Variants in MYCBP2 observed in about 807,000 individuals in gnomAD.
MYCBP2 encodes the protein E3 ubiquitin-protein ligase MYCBP2.
MYCBP2 carries 120 observed loss-of-function variants against 525.3 expected under a neutral mutation model. That is an observed-to-expected ratio of 0.23 (90% CI 0.20 to 0.27). MYCBP2 has a LOEUF of 0.27. Ranked by LOEUF, MYCBP2 falls within the 10% of genes least tolerant of loss-of-function variation. MYCBP2 has a pLI of 1.00. For missense variants in MYCBP2, 4,149 were observed against 5,657.1 expected (o/e 0.73, Z 8.55); for synonymous variants, 1,894 against 1,955.8 (o/e 0.97, Z 0.83).
At chr13:77,293,707 A>C (rs535805003) in intron 2 of MYCBP2, among the ~76,000 whole-genome samples, 2 of 152,176 alleles carry the variant, frequency 1.3e-5, no homozygotes, top group Non-Finnish European at 2.9e-5. Context: ...ACAGAAAACT[A>C]TCAGTGATGC....
At chr13:77,139,667 GA>G (rs2054294803) in intron 51 of MYCBP2, among the ~76,000 whole-genome samples, 1 of 152,046 alleles carries the variant, frequency 6.6e-6, no homozygotes, top group African/African-American at 2.4e-5. Context: ...TATATTTTAA[GA>G]AACAGAAGTT....
rs186067952 is a variant in MYCBP2, at chr13:77,131,682, A to G, written c.7660-5140T>C. Among the ~76,000 whole-genome samples the G allele has an allele frequency of 3.9e-5, 6 of 152,346 alleles. No homozygotes were observed. In the East Asian group the frequency reaches 9.6e-4, roughly 24 times the overall value. ...ATATAGTATAATTTCACAGATTATT[A>G]TAAGCACAGCTTGTGTGTGCATGTG... On this transcript the variant is annotated intron_variant, in intron 52 of 82. Coordinates refer to ENST00000544440, the MANE Select transcript of MYCBP2 (RefSeq NM_015057.5).
chr13:77,281,429 AATAATT>A (rs1379318916), intron 3 of MYCBP2, among the ~76,000 whole-genome samples: 2 of 152,066 alleles, frequency 1.3e-5, no homozygotes, highest in South Asian at 2.1e-4. Context: ...TAATAAAAAT[AATAATT>A]ATAACAATAA....
chr13:77,319,669 C>T (rs1424134523), intron 1 of MYCBP2, among the ~76,000 whole-genome samples: 1 of 152,202 alleles, frequency 6.6e-6, no homozygotes, highest in East Asian at 1.9e-4. Context: ...AAGCCTAGTG[C>T]ACTCACCAGT....
intron 1 of MYCBP2, among the ~76,000 whole-genome samples, chr13:77,311,935 T>C (rs987537900): frequency 6.6e-6 from 1 of 152,014 alleles, no homozygotes; most frequent in Non-Finnish European, 1.5e-5. Context: ...AGAAAATGAC[T>C]AGATACACAT....
At chr13:77,189,722 G>A (rs2061111762) in intron 29 of MYCBP2, among the ~76,000 whole-genome samples, 1 of 152,010 alleles carries the variant, frequency 6.6e-6, no homozygotes, top group African/African-American at 2.4e-5. Flanking sequence ...TTAAATTATT[G>A]TAAGTTAAAA....
In MYCBP2 at chr13:77,144,507, T is replaced by C. The variant is rs367885877; in HGVS notation, c.7241A>G (p.Asn2414Ser). Residue 2414 changes from asparagine (N) to serine (S), a missense_variant, in exon 49 of 83, where the codon AAT (asparagine) becomes AGT (serine). By Grantham distance (46) the Asn-to-Ser change is conservative. Transcript: ENST00000544440. ...GAGTCCAATAGCCCCTGGAGTCCAA[T>C]TTGCACAATAAGTCCCATCATTATT... ...RVNNDGTYCA[N>S]WTPGAIGLYT... 240 of 1,613,706 alleles carry C rather than the reference T, an allele frequency of 1.5e-4. No homozygotes were observed. Among genetic ancestry groups the C allele is most frequent in the Non-Finnish European group, 1.9e-4 (226 of 1,179,844 alleles).
At chr13:77,141,228 A>G (rs1566681276) in intron 49 of MYCBP2, among the ~76,000 whole-genome samples, 2 of 152,182 alleles carry the variant, frequency 1.3e-5, no homozygotes, top group Admixed American at 1.3e-4. Context: ...ATAATAAAAA[A>G]AAGAACCCTT....
At chr13:77,195,196 T>A (rs2061642276) in intron 26 of MYCBP2, among the ~76,000 whole-genome samples, 1 of 152,200 alleles carries the variant, frequency 6.6e-6, no homozygotes, top group Non-Finnish European at 1.5e-5. Flanking sequence ...GCTCAGCTCT[T>A]ATTCTCAACA....
chr13:77,096,472 C>T lies in MYCBP2; in HGVS notation c.9794G>A (p.Arg3265Gln), dbSNP rs1190725226. The T allele has an allele frequency of 3.7e-6, 6 of 1,613,012 alleles. No individual in the cohort carries two copies. The highest frequency in any genetic ancestry group is 2.2e-5 in the East Asian group (1 of 44,816). The change falls in exon 57 of 83, where the codon CGA becomes CAA. Residue 3265 changes from arginine (R) to glutamine (Q), a missense_variant. Arg to Gln is a conservative substitution (Grantham distance 43, BLOSUM62 1). Around this residue, in one of 21 missense-constraint regions of MYCBP2, gnomAD observed 26 missense variants for 48.2 expected, o/e 0.54. Transcript: ENST00000544440. ...ATTGTAACCTTGTCCACCAGCATAT[C>T]GGCCACAACCTTGAAACAATACCAA... ...HMRQAHPGCG[R>Q]YAGGQGYNSI...
At chr13:77,112,494 T>C (rs1219458589) in intron 55 of MYCBP2, among the ~76,000 whole-genome samples, 2 of 151,474 alleles carry the variant, frequency 1.3e-5, no homozygotes, top group African/African-American at 2.4e-5. Context: ...CATGCAATTA[T>C]GGCTGACTGC....
At chr13:77,245,594 TG>T (rs2154319751) in intron 15 of MYCBP2, among the ~76,000 whole-genome samples, 1 of 99,022 alleles carries the variant, frequency 1.0e-5, no homozygotes, top group South Asian at 3.6e-4. Context: ...CATCACATAC[TG>T]GGGCCTGTTG....
At chr13:77,056,898 C>A in intron 79 of MYCBP2, 88 bp downstream of exon 79, 1 of 1,011,746 alleles carries the variant, frequency 9.9e-7, no homozygotes, top group Non-Finnish European at 1.5e-6. Context: ...TGGGTAAAAC[C>A]AAGAGATACT....
At chr13:77,262,557 T>C (rs1368075975) in intron 10 of MYCBP2, among the ~76,000 whole-genome samples, 1 of 151,996 alleles carries the variant, frequency 6.6e-6, no homozygotes, top group Non-Finnish European at 1.5e-5. Context: ...GAGAGGTTAG[T>C]CCAGACACAG....
chr13:77,047,634 A>T (rs567639523), intron 82 of MYCBP2, among the ~76,000 whole-genome samples: 20 of 152,340 alleles, frequency 1.3e-4, no homozygotes, highest in Middle Eastern at 3.4e-3. Flanking sequence ...CCGATGAGGG[A>T]ACTAGCACAG....
rs781700167 is a variant in MYCBP2, at chr13:77,262,071, C to T, written c.1629G>A (p.Met543Ile). ...AATTTACCTTTCCATTTGCTGTTTT[C>T]ATTAGCGCAAACTCTCGTCCTGCAC... ...ILGAGREFALMKTANGKIYYT... is the reference protein window; with the variant it reads ...ILGAGREFALIKTANGKIYYT... The change falls in exon 11 of 83, where the codon ATG (methionine) becomes ATA (isoleucine). Residue 543 changes from methionine to isoleucine, a missense_variant. Around this residue, in one of 21 missense-constraint regions of MYCBP2, gnomAD observed 262 missense variants for 419.3 expected, o/e 0.62. Transcript: ENST00000544440. 2 of 1,611,158 alleles carry T rather than the reference C, an allele frequency of 1.2e-6. No individual in the cohort carries two copies. Among genetic ancestry groups the T allele is most frequent in the Non-Finnish European group, 1.7e-6 (2 of 1,178,218 alleles).
intron 43 of MYCBP2, among the ~76,000 whole-genome samples, chr13:77,162,781 C>T (rs1175581569): frequency 1.3e-5 from 2 of 152,092 alleles, no homozygotes; most frequent in Non-Finnish European, 2.9e-5. Flanking sequence ...CCCAGCCTCC[C>T]GAGTAGCTGG....
At chr13:77,147,577 T>C (rs960545081) in intron 47 of MYCBP2, among the ~76,000 whole-genome samples, 2 of 152,136 alleles carry the variant, frequency 1.3e-5, no homozygotes, top group African/African-American at 4.8e-5. Context: ...CTACCCTTTT[T>C]GTTTTCATAA....
intron 26 of MYCBP2, among the ~76,000 whole-genome samples, chr13:77,196,000 A>G (rs949717093): frequency 6.6e-6 from 1 of 152,242 alleles, no homozygotes; most frequent in African/African-American, 2.4e-5. Context: ...ATAAAGGGGC[A>G]AACAATACAA....
Sources: allele counts gnomAD v4.1 joint callset (sites outside exome capture counted in the v4.1 genomes callset), GRCh38; gene constraint gnomAD v4.1.1; regional missense constraint gnomAD v4.1.1; transcripts MANE v1.5; gene names NCBI Gene and HGNC (gene_info 2026-07-23, HGNC 2026-07-21).